The following AFF2 variants were observed in gnomAD, a reference collection of about 807,000 sequenced individuals.
AFF2 encodes AF4/FMR2 family member 2.
In AFF2, 14 loss-of-function variants were observed where a neutral mutation model predicts 76.9. The observed-to-expected ratio is 0.18, with a 90% CI of 0.12 to 0.28. AFF2 has a LOEUF of 0.28. Among genes scored for constraint, AFF2 ranks in the 10% least tolerant of loss-of-function variants. AFF2 has a pLI of 1.00. For synonymous variants in AFF2, 398 were observed against 366.7 expected, an observed-to-expected ratio of 1.09 and a Z score of -0.98; for missense variants, 868 against 1,001.1, an observed-to-expected ratio of 0.87 and a Z score of 1.79.
chrX:148,633,676 C>G (rs2054001517), intron 1 of AFF2, among the ~76,000 whole-genome samples: 1 of 112,106 alleles, frequency 8.9e-6, no homozygotes, highest in African/African-American at 3.2e-5. Flanking sequence ...TGGAGGGCTT[C>G]CAAGTTACCT....
intron 4 of AFF2, among the ~76,000 whole-genome samples, chrX:148,820,288 A>G (rs1193172018): frequency 9.0e-6 from 1 of 111,384 alleles, no homozygotes; most frequent in Non-Finnish European, 1.9e-5. Context: ...TGGGTTGGCT[A>G]CTCTATTTTT....
chrX:148,607,151 C>T (rs1301860984), intron 1 of AFF2, among the ~76,000 whole-genome samples: 1 of 111,570 alleles, frequency 9.0e-6, no homozygotes, highest in East Asian at 2.8e-4. Context: ...CCCATGCTCA[C>T]TAAGCTAGTA....
At chrX:148,669,513 G>A (rs2054398282) in intron 3 of AFF2, among the ~76,000 whole-genome samples, 1 of 111,917 alleles carries the variant, frequency 8.9e-6, no homozygotes, top group Admixed American at 9.4e-5. Context: ...CACAATTGTA[G>A]CAGTAAGTTA....
intron 9 of AFF2, among the ~76,000 whole-genome samples, chrX:148,936,908 G>A (rs2071781071): frequency 8.9e-6 from 1 of 112,179 alleles, no homozygotes. Context: ...AATAAAGTGA[G>A]TAGGAGCACT....
intron 7 of AFF2, 97 bp downstream of exon 7, chrX:148,843,530 T>C: frequency 1.4e-6 from 1 of 730,779 alleles, no homozygotes; most frequent in Non-Finnish European, 2.1e-6. Flanking sequence ...CCTCTGCTCC[T>C]TGAAACTATG....
chrX:148,872,102 T>A (rs1052708439), intron 7 of AFF2, among the ~76,000 whole-genome samples: 9 of 105,863 alleles, frequency 8.5e-5, no homozygotes, highest in African/African-American at 3.2e-4. Flanking sequence ...GCTGTGAGAC[T>A]TTTTTTTTTA....
chrX:148,664,630 C>G (rs1557258248), intron 3 of AFF2, among the ~76,000 whole-genome samples: 1 of 112,493 alleles, frequency 8.9e-6, no homozygotes, highest in Non-Finnish European at 1.9e-5. Context: ...CTCTACTAGA[C>G]TGTGAGCTCA....
chrX:148,952,315 C>G (rs2071978318), intron 9 of AFF2, among the ~76,000 whole-genome samples: 1 of 111,869 alleles, frequency 8.9e-6, no homozygotes, highest in African/African-American at 3.3e-5. Flanking sequence ...GACCAGGTGA[C>G]CTCCAGGACC....
rs536744074 is a variant in AFF2, at chrX:148,933,638, G to C, written c.1398-19942G>C. Among the ~76,000 whole-genome samples the C allele has an allele frequency of 1.5e-3, 169 of 111,291 alleles. 1 individual carries two copies. Among genetic ancestry groups the C allele is most frequent in the African/African-American group, 5.3e-3 (163 of 30,585 alleles). On this transcript the variant is annotated intron_variant, in intron 9 of 20. Transcript: ENST00000370460. ...TTTGCTAATGGAGTAATTGAATAGG[G>C]ATACAGACAAAAAAGAAAAGTCAGA...
At chrX:148,690,809 T>G (rs2054643294) in intron 3 of AFF2, among the ~76,000 whole-genome samples, 1 of 111,657 alleles carries the variant, frequency 9.0e-6, no homozygotes, top group Non-Finnish European at 1.9e-5. Flanking sequence ...ACAACAGAAA[T>G]TTACTTCCCC....
chrX:148,558,848 C>A (rs1557240030), intron 1 of AFF2, among the ~76,000 whole-genome samples: 2 of 111,349 alleles, frequency 1.8e-5, no homozygotes, highest in South Asian at 7.6e-4. Context: ...CTGGTTATGG[C>A]CATTTTATGA....
At chrX:148,967,351 A>G (rs1194150587) in intron 14 of AFF2, among the ~76,000 whole-genome samples, 1 of 111,718 alleles carries the variant, frequency 9.0e-6, no homozygotes, top group Non-Finnish European at 1.9e-5. Context: ...CATATAACCA[A>G]CACACAGATG....
intron 1 of AFF2, among the ~76,000 whole-genome samples, chrX:148,525,178 GGA>G (rs1557235033): frequency 1.8e-5 from 2 of 111,081 alleles, no homozygotes; most frequent in African/African-American, 6.5e-5. Context: ...TGCATGTGCA[GGA>G]GAGAGAGAGA....
intron 1 of AFF2, among the ~76,000 whole-genome samples, chrX:148,645,026 A>AT (rs1310111441): frequency 1.8e-5 from 2 of 112,254 alleles, no homozygotes; most frequent in Non-Finnish European, 3.8e-5. Flanking sequence ...TGTGAATTAC[A>AT]TTTTTAAATT....
intron 3 of AFF2, among the ~76,000 whole-genome samples, chrX:148,788,096 T>A (rs1057450158): frequency 3.8e-4 from 42 of 111,859 alleles, no homozygotes; most frequent in African/African-American, 1.3e-3. Flanking sequence ...ATTCATGTTA[T>A]CTAAAAGTTG....
Position 148,546,181 on chromosome X carries a change from T to C in AFF2, c.47+45037T>C, listed in dbSNP as rs1557238144. Reference sequence around the variant, plus strand: ...TATACCCTCTAAATCTTGCTGAATCTTTTTCTTCCCTACAGATTTTAAATT... The same window carrying C: ...TATACCCTCTAAATCTTGCTGAATCCTTTTCTTCCCTACAGATTTTAAATT... On this transcript the variant is annotated intron_variant, in intron 1 of 20. Coordinates refer to ENST00000370460, the MANE Select transcript of AFF2 (RefSeq NM_002025.4). Among the ~76,000 whole-genome samples the C allele has an allele frequency of 2.7e-5, 3 of 111,755 alleles. No homozygotes were observed. In the East Asian group the frequency reaches 8.5e-4, roughly 32 times the overall value.
chrX:148,933,438 T>A (rs1202235990), intron 9 of AFF2, among the ~76,000 whole-genome samples: 1 of 111,436 alleles, frequency 9.0e-6, no homozygotes, highest in Non-Finnish European at 1.9e-5. Flanking sequence ...GGGATCACAC[T>A]ATACCTATTG....
intron 9 of AFF2, among the ~76,000 whole-genome samples, chrX:148,936,341 A>G (rs1339977234): frequency 8.9e-6 from 1 of 112,165 alleles, no homozygotes; most frequent in Non-Finnish European, 1.9e-5. Context: ...TTTATTAGGC[A>G]TTGTCAAGGC....
At chrX:148,661,526 A>ACTCC (rs2054304278) in intron 2 of AFF2, among the ~76,000 whole-genome samples, 1 of 112,158 alleles carries the variant, frequency 8.9e-6, no homozygotes, top group Non-Finnish European at 1.9e-5. Flanking sequence ...TTCCATTATA[A>ACTCC]CTCCAATGAT....
Sources: gnomAD v4.1 joint callset for allele counts (sites outside exome capture counted in the v4.1 genomes callset) on GRCh38, gnomAD v4.1.1 for gene constraint, MANE v1.5 for transcripts, NCBI Gene and HGNC (gene_info 2026-07-23, HGNC 2026-07-21) for gene names.